Variants in ARSG observed in about 807,000 individuals in gnomAD.
ARSG encodes ASG.
Under a neutral mutation model 50.5 loss-of-function variants are expected in ARSG, and 37 were observed. The ratio of observed to expected loss-of-function variants is 0.73; its 90% CI spans 0.56 to 0.96. ARSG has a LOEUF of 0.96. ARSG is among the 50% of genes least tolerant of loss of function. The pLI, the probability that ARSG is intolerant of heterozygous loss-of-function variation, is 0.00. For synonymous variants in ARSG, 225 were observed against 254.6 expected, an observed-to-expected ratio of 0.88 and a Z score of 1.11; for missense variants, 629 against 675.3, an observed-to-expected ratio of 0.93 and a Z score of 0.76.
intron 1 of ARSG, among the ~76,000 whole-genome samples, chr17:68,263,938 A>G: frequency 6.6e-6 from 1 of 151,748 alleles, no homozygotes; most frequent in East Asian, 1.9e-4. Context: ...ACTCACTGCA[A>G]CCTCCACCTC....
rs781955057 is a variant in ARSG at position 68,307,655 on chromosome 17, CTG to C, written c.163_164del (p.Trp55GlyfsTer10). ...TGGGGTGGGGTGACCTGGGAGCAAA[CTG>C]GGCAGAAACAAAGGACACTGCCAAC... The part of the protein sequence containing the change: ...DMGWGDLGAN[W>X]AETKDTANLD... On this transcript the variant is annotated frameshift_variant, in exon 2 of 12. Coordinates refer to ENST00000621439, the MANE Select transcript of ARSG (RefSeq NM_001267727.2). LOFTEE classifies it high-confidence loss of function. The C allele has an allele frequency of 6.2e-7, 1 of 1,612,190 alleles. No individual in the cohort carries two copies. The highest frequency in any genetic ancestry group is 1.1e-5 in the South Asian group (1 of 91,038).
intron 11 of ARSG, chr17:68,414,119 T>G (rs1191171434): frequency 6.4e-6 from 1 of 155,430 alleles, no homozygotes; most frequent in Non-Finnish European, 1.4e-5. Flanking sequence ...GCTGTTCCTA[T>G]TCGGCTATCT....
chr17:68,340,558 T>A (rs1180929951), intron 2 of ARSG, among the ~76,000 whole-genome samples: 3 of 152,172 alleles, frequency 2.0e-5, no homozygotes, highest in Admixed American at 2.0e-4. Context: ...AGTGCTGGGA[T>A]GACAGGTGTG....
chr17:68,375,454 G>C (rs1327078709), intron 8 of ARSG, among the ~76,000 whole-genome samples: 2 of 152,228 alleles, frequency 1.3e-5, no homozygotes, highest in Non-Finnish European at 2.9e-5. Context: ...GTTTAAACAA[G>C]TCCTTTGGGC....
chr17:68,352,879 T>C (rs549557551), intron 5 of ARSG, among the ~76,000 whole-genome samples: 1 of 152,156 alleles, frequency 6.6e-6, no homozygotes, highest in Admixed American at 6.5e-5. Flanking sequence ...CTGAGATGCA[T>C]TTATGATCAC....
chr17:68,357,114 A>T (rs1215591037), intron 6 of ARSG, among the ~76,000 whole-genome samples: 1 of 152,182 alleles, frequency 6.6e-6, no homozygotes, highest in Non-Finnish European at 1.5e-5. Context: ...CCTCAAGGGT[A>T]GGGCCTGCCC....
intron 11 of ARSG, among the ~76,000 whole-genome samples, chr17:68,413,173 T>C (rs1054082650): frequency 6.6e-6 from 1 of 152,202 alleles, no homozygotes; most frequent in African/African-American, 2.4e-5. Context: ...AGGAACTGCG[T>C]TCCTTTGGAG....
chr17:68,445,043 C>T, the ARSG span, among the ~76,000 whole-genome samples: 6 of 151,726 alleles, frequency 4.0e-5, no homozygotes, highest in African/African-American at 1.5e-4. Flanking sequence ...GCATCAGCCT[C>T]CTGAGTAGCT....
At chr17:68,333,577 G>A (rs2077875636) in intron 2 of ARSG, among the ~76,000 whole-genome samples, 1 of 151,496 alleles carries the variant, frequency 6.6e-6, no homozygotes, top group Non-Finnish European at 1.5e-5. Context: ...GCAGTGAGCC[G>A]AGATCGTGCC....
chr17:68,409,069 GT>G (rs2147325054), intron 11 of ARSG, among the ~76,000 whole-genome samples: 1 of 134,720 alleles, frequency 7.4e-6, no homozygotes, highest in South Asian at 2.6e-4. Flanking sequence ...CATTTTGTAG[GT>G]TGCCTGTTCA....
chr17:68,446,178 A>G, the ARSG span, among the ~76,000 whole-genome samples: 1 of 151,548 alleles, frequency 6.6e-6, no homozygotes, highest in Non-Finnish European at 1.5e-5. Flanking sequence ...ATTTAAACAC[A>G]TTTCTCAATT....
the ARSG span, among the ~76,000 whole-genome samples, chr17:68,446,647 T>G: frequency 6.6e-6 from 1 of 152,254 alleles, no homozygotes; most frequent in Admixed American, 6.5e-5. Flanking sequence ...ATGCCGTGGT[T>G]AGAACTACGT....
At chr17:68,282,103 A>C (rs1162000547) in intron 1 of ARSG, among the ~76,000 whole-genome samples, 1 of 152,234 alleles carries the variant, frequency 6.6e-6, no homozygotes, top group South Asian at 2.1e-4. Context: ...AACCAATCCA[A>C]ATGTCCATCA....
At chr17:68,423,088 A>G (rs11658979), downstream of ARSG, among the ~76,000 whole-genome samples, 32,641 of 152,140 alleles carry the variant, frequency 0.21, 4,419 homozygotes, top group Non-Finnish European at 0.3. The surrounding 1 kb of genome is among the most constrained non-coding windows in gnomAD (Gnocchi z 4.4). Context: ...AGGCAAGCCT[A>G]TGTTTGTTCG....
At chr17:68,294,468 G>A (rs998445740) in intron 1 of ARSG, among the ~76,000 whole-genome samples, 1 of 152,170 alleles carries the variant, frequency 6.6e-6, no homozygotes, top group Admixed American at 6.5e-5. Context: ...TTCAACTTGG[G>A]TAAGTAGACT....
chr17:68,331,237 C>CTTTCTTTCTTTCTTTT (rs1568477877), intron 2 of ARSG, among the ~76,000 whole-genome samples: 1 of 72,792 alleles, frequency 1.4e-5, no homozygotes, highest in Non-Finnish European at 2.8e-5. Context: ...TTCTTTGTTT[C>CTTTCTTTCTTTCTTTT]TTTCTTTCTT....
intron 2 of ARSG, among the ~76,000 whole-genome samples, chr17:68,330,687 G>A (rs182613921): frequency 6.6e-6 from 1 of 152,222 alleles, no homozygotes; most frequent in East Asian, 1.9e-4. Context: ...AACTGGCAAA[G>A]GAAGCAACCA....
rs546822866 is a variant in ARSG, at chr17:68,272,201, G to A, written c.-552+12775G>A. 1.1e-4 allele frequency among the ~76,000 whole-genome samples: 17 copies of A among 152,280 alleles called. No homozygotes were observed. The South Asian group carries it at 3.5e-3, about 32-fold the overall frequency. On this transcript the variant is annotated intron_variant, in intron 1 of 11. Coordinates refer to the ARSG transcript ENST00000448504. ...GATCCGCCCACCTCAGCCTCCCAAAGTGCTGGGATTACAGGTGTAAGCCAC... is the reference window on the plus strand; with the variant it reads ...GATCCGCCCACCTCAGCCTCCCAAAATGCTGGGATTACAGGTGTAAGCCAC...
chr17:68,368,525 AC>A, intron 6 of ARSG, 22 bp from the exon 7 acceptor site: 2 of 1,609,552 alleles, frequency 1.2e-6, no homozygotes, highest in Non-Finnish European at 1.7e-6. Context: ...CTGCAGAGTC[AC>A]CTCTTGGTTC....
Sources: allele counts gnomAD v4.1 joint callset (sites outside exome capture counted in the v4.1 genomes callset), GRCh38; gene constraint gnomAD v4.1.1; non-coding constraint Gnocchi (gnomAD v3.1); transcripts MANE v1.5; gene names NCBI Gene and HGNC (gene_info 2026-07-23, HGNC 2026-07-21).